Variants in EPHB1 observed in about 807,000 individuals in gnomAD.
EPHB1 encodes ephrin type-B receptor 1.
Under a neutral mutation model 94.4 loss-of-function variants are expected in EPHB1, and 30 were observed. The ratio of observed to expected loss-of-function variants is 0.32; its 90% CI spans 0.24 to 0.43. EPHB1 has a LOEUF of 0.43. Ranked by LOEUF, EPHB1 falls within the 20% of genes least tolerant of loss-of-function variation. The probability of loss-of-function intolerance (pLI) is 1.00; values close to 1 mark genes in which losing one functional copy is unlikely to be tolerated. For synonymous variants in EPHB1, 522 were observed against 489.1 expected (o/e 1.07, Z -0.89); for missense variants, 1,055 against 1,308.3 (o/e 0.81, Z 2.99).
chr3:134,868,366 C>T (rs143586611), intron 1 of EPHB1, among the ~76,000 whole-genome samples: 34 of 152,274 alleles, frequency 2.2e-4, no homozygotes, highest in Non-Finnish European at 4.6e-4. Context: ...CTCATTACCA[C>T]AGGGTAGTTT....
chr3:135,097,011 G>A (rs1342686327), intron 3 of EPHB1, among the ~76,000 whole-genome samples: 6 of 149,696 alleles, frequency 4.0e-5, no homozygotes, highest in East Asian at 3.9e-4. Context: ...CAGGAGTATC[G>A]CTTGAACCCT....
chr3:134,949,661 ATCACCACTCCTAAATAGTCAAGGAT>A (rs1932937522), intron 2 of EPHB1, among the ~76,000 whole-genome samples: 1 of 152,198 alleles, frequency 6.6e-6, no homozygotes, highest in African/African-American at 2.4e-5. Flanking sequence ...GGTTACCTTG[ATCACCACTCCTAAATAGTCAAGGAT>A]CTTAATTCAT....
At position 134,955,374 on chromosome 3, in the gene EPHB1, T is replaced by C. The variant is rs529759330; in HGVS notation, c.805+3322T>C. ...TATGCGGTGTTTGGTTTTTTGTTCT[T>C]GCGATAGTTTACTGAGAATGATGGT... On this transcript the variant is annotated intron_variant, in intron 3 of 15. Transcript: ENST00000398015. Among the ~76,000 whole-genome samples, 451 of 63,996 alleles carry C rather than the reference T, an allele frequency of 7.0e-3. 24 individuals are homozygous for C. The highest frequency in any genetic ancestry group is 0.03 in the Middle Eastern group (4 of 132). The allele number at this position is 63,996 out of a possible 152,430, so 42.0% of individuals were successfully genotyped here. A position where few individuals can be genotyped will look rare whatever the true frequency, so the allele number is the denominator to read the frequency against.
rs963988293 is a variant in EPHB1, at chr3:134,953,264, C to G, written c.805+1212C>G. The stretch of plus-strand genomic sequence containing the variant: ...AGCAGGCTTGTTAGTGCCATCAGCT[C>G]TGCAATCCTTTGGACTCAGCTAATT... On this transcript the variant is annotated intron_variant, in intron 3 of 15. Transcript: ENST00000398015. Among the ~76,000 whole-genome samples the G allele has an allele frequency of 8.5e-5, 13 of 152,238 alleles. 1 individual carries two copies. The South Asian group carries it at 2.7e-3, about 31-fold the overall frequency.
At chr3:135,052,931 G>GTGTGTGTGTGTA (rs1457685081) in intron 3 of EPHB1, among the ~76,000 whole-genome samples, 20 of 93,820 alleles carry the variant, frequency 2.1e-4, no homozygotes, top group African/African-American at 1.2e-3. Flanking sequence ...GTGTGTGTGT[G>GTGTGTGTGTGTA]TATATATGTG....
chr3:135,052,949 ATATATATGTGTG>A (rs1937221827), intron 3 of EPHB1, among the ~76,000 whole-genome samples: 1 of 124,554 alleles, frequency 8.0e-6, no homozygotes, highest in Non-Finnish European at 1.6e-5. Context: ...GTGTGTATAT[ATATATATGTGTG>A]TATATATATG....
chr3:134,946,114 C>T (rs2039212055), intron 2 of EPHB1, among the ~76,000 whole-genome samples: 1 of 152,196 alleles, frequency 6.6e-6, no homozygotes, highest in Non-Finnish European at 1.5e-5. Flanking sequence ...AAGCATCGTT[C>T]CAGTTTTTGC....
intron 1 of EPHB1, among the ~76,000 whole-genome samples, chr3:134,814,787 T>A (rs555137207): frequency 6.6e-6 from 1 of 152,340 alleles, no homozygotes; most frequent in African/African-American, 2.4e-5. Flanking sequence ...GAAGCTTCAT[T>A]CAGAGGAAAG....
intron 3 of EPHB1, among the ~76,000 whole-genome samples, chr3:135,007,235 C>G (rs1483500211): frequency 6.6e-6 from 1 of 152,198 alleles, no homozygotes; most frequent in Non-Finnish European, 1.5e-5. Flanking sequence ...ATTCTCTAGA[C>G]ACTCCCTTAC....
At chr3:135,141,237 C>T (rs1940817352) in intron 5 of EPHB1, among the ~76,000 whole-genome samples, 1 of 151,862 alleles carries the variant, frequency 6.6e-6, no homozygotes, top group Non-Finnish European at 1.5e-5. Flanking sequence ...CAGTCATGCC[C>T]CCTAAGAGCG....
At chr3:135,101,377 C>CT (rs34326286) in intron 3 of EPHB1, among the ~76,000 whole-genome samples, 33,946 of 147,240 alleles carry the variant, frequency 0.23, 5,268 homozygotes, top group East Asian at 0.75. Context: ...AGAAATGACA[C>CT]TTTTTTTTTT....
intron 3 of EPHB1, among the ~76,000 whole-genome samples, chr3:134,970,244 T>C (rs879677617): frequency 3.5e-4 from 54 of 152,246 alleles, no homozygotes; most frequent in Non-Finnish European, 7.3e-5. Flanking sequence ...TAAAGTTTTA[T>C]GTTTTACACT....
intron 4 of EPHB1, among the ~76,000 whole-genome samples, chr3:135,131,676 T>C (rs1940423879): frequency 6.6e-6 from 1 of 152,222 alleles, no homozygotes; most frequent in Non-Finnish European, 1.5e-5. Flanking sequence ...AGCAATATTT[T>C]GCTCTTCTGT....
chr3:135,069,543 G>A (rs1341026784), intron 3 of EPHB1, among the ~76,000 whole-genome samples: 1 of 152,130 alleles, frequency 6.6e-6, no homozygotes, highest in African/African-American at 2.4e-5. Flanking sequence ...CTTGCAAGCC[G>A]GCTTCACAGC....
chr3:134,850,633 T>C (rs1380697936), intron 1 of EPHB1, among the ~76,000 whole-genome samples: 1 of 151,894 alleles, frequency 6.6e-6, no homozygotes, highest in African/African-American at 2.4e-5. Context: ...TATGGGTGAG[T>C]CTGGGGGCTA....
intron 3 of EPHB1, among the ~76,000 whole-genome samples, chr3:135,096,871 G>A (rs1044409771): frequency 2.0e-5 from 3 of 152,122 alleles, no homozygotes; most frequent in South Asian, 2.1e-4. Flanking sequence ...GCCAAGGGGG[G>A]CGGATCACGA....
intron 1 of EPHB1, among the ~76,000 whole-genome samples, chr3:134,798,224 G>A (rs368800489): frequency 3.3e-5 from 5 of 152,162 alleles, no homozygotes; most frequent in East Asian, 1.9e-4. Flanking sequence ...GAGGCCAGGC[G>A]GGCCCTCAGC....
chr3:135,249,759 A>G (rs35944228), intron 15 of EPHB1, among the ~76,000 whole-genome samples: 12,515 of 152,294 alleles, frequency 0.082, 606 homozygotes, highest in Middle Eastern at 0.19. Flanking sequence ...TCTCTTCCCC[A>G]TTTAAGTTTT....
intron 3 of EPHB1, among the ~76,000 whole-genome samples, chr3:135,077,389 C>T (rs185915572): frequency 1.0e-3 from 152 of 152,348 alleles, no homozygotes; most frequent in Non-Finnish European, 1.9e-3. Context: ...CCTCAGCCAC[C>T]ATGCCTTTGA....
Sources: gnomAD v4.1 joint callset for allele counts (sites outside exome capture counted in the v4.1 genomes callset) on GRCh38, gnomAD v4.1.1 for gene constraint, MANE v1.5 for transcripts, NCBI Gene and HGNC (gene_info 2026-07-23, HGNC 2026-07-21) for gene names.